USP6NL: variants seen among roughly 807,000 people sequenced by gnomAD.
The protein encoded by USP6NL is USP6 N-terminal like.
In USP6NL, 26 loss-of-function variants were observed where a neutral mutation model predicts 61.9. The observed-to-expected ratio is 0.42, with a 90% CI of 0.31 to 0.58. USP6NL has a LOEUF of 0.58. USP6NL is among the 20% of genes least tolerant of loss of function. The probability of loss-of-function intolerance (pLI) is 0.16; values close to 1 mark genes in which losing one functional copy is unlikely to be tolerated. For synonymous variants in USP6NL, 432 were observed against 390.1 expected (o/e 1.11, Z -1.27); for missense variants, 1,114 against 1,034.3 (o/e 1.08, Z -1.06).
chr10:11,501,144 A>G lies in USP6NL; in HGVS notation c.341T>C (p.Leu114Pro). 1 of 1,613,424 alleles carries G rather than the reference A, an allele frequency of 6.2e-7. No individual in the cohort carries two copies. The highest frequency in any genetic ancestry group is 8.5e-7 in the Non-Finnish European group (1 of 1,179,702). ...QLRGEVWALL[L>P]EIPKMKEETR... ...TTCTTCTTTCATTTTAGGGATCTCA[A>G]GAAGGAGGGCCCAGACTTCACCTCT... Residue 114 changes from leucine (L) to proline (P), a missense_variant, in exon 7 of 15, where the codon CTT becomes CCT. Leu to Pro is a moderately conservative substitution (Grantham distance 98). Coordinates refer to ENST00000609104, the MANE Select transcript of USP6NL (RefSeq NM_014688.5).
At chr10:11,475,184 G>A (rs188132794) in intron 14 of USP6NL, among the ~76,000 whole-genome samples, 5 of 151,738 alleles carry the variant, frequency 3.3e-5, no homozygotes, top group East Asian at 1.9e-4. Flanking sequence ...AGAAAACTAG[G>A]AAGCATTTAC....
chr10:11,574,980 T>C lies in USP6NL; in HGVS notation c.4+22651A>G, dbSNP rs1837489418. ...CGACGTGCTACACCATGTACATATATACCACCCATAATGTATGCTCCATAT... is the reference window on the plus strand; with the variant it reads ...CGACGTGCTACACCATGTACATATACACCACCCATAATGTATGCTCCATAT... On this transcript the variant is annotated intron_variant, in intron 2 of 14. Transcript: ENST00000609104. This position sits in a 1 kb window ranked among gnomAD's most constrained non-coding sequence, Gnocchi z 4.3. Among the ~76,000 whole-genome samples the C allele has an allele frequency of 1.3e-5, 2 of 152,198 alleles. No homozygotes were observed. The highest frequency in any genetic ancestry group is 4.1e-4 in the South Asian group (2 of 4,832).
chr10:11,471,726 A>C (rs189372102), intron 14 of USP6NL, among the ~76,000 whole-genome samples: 1 of 151,786 alleles, frequency 6.6e-6, no homozygotes, highest in Admixed American at 6.6e-5. Flanking sequence ...TATTGCAAGG[A>C]CAAAATACCA....
intron 2 of USP6NL, among the ~76,000 whole-genome samples, chr10:11,541,186 TATA>T (rs1394892344): frequency 2.8e-5 from 4 of 144,440 alleles, no homozygotes; most frequent in Admixed American, 7.1e-5. Flanking sequence ...GGATAACTTA[TATA>T]ATAAGTAAGA....
At position 11,496,134 on chromosome 10, in the gene USP6NL, C is replaced by A. The variant is rs1397538820; in HGVS notation, c.385-2906G>T. Among the ~76,000 whole-genome samples, 1 of 152,218 alleles carries A rather than the reference C, an allele frequency of 6.6e-6. No homozygotes were observed. Among genetic ancestry groups the A allele is most frequent in the Non-Finnish European group, 1.5e-5 (1 of 68,034 alleles). ...TCTGCTTTCATGACAGCAGCTCACCCTCAGCAAGGTCTGCGTTTTCCCTAG... is the reference window on the plus strand; with the variant it reads ...TCTGCTTTCATGACAGCAGCTCACCATCAGCAAGGTCTGCGTTTTCCCTAG... On this transcript the variant is annotated intron_variant, in intron 7 of 14. Coordinates refer to ENST00000609104, the MANE Select transcript of USP6NL (RefSeq NM_014688.5). The surrounding 1 kb of genome is among the most constrained non-coding windows in gnomAD (Gnocchi z 5.4).
rs573838078 is a variant in USP6NL, at chr10:11,503,976, A to G, written c.277-2768T>C. On this transcript the variant is annotated intron_variant, in intron 6 of 14. Coordinates refer to ENST00000609104, the MANE Select transcript of USP6NL (RefSeq NM_014688.5). ...TACATGGAATAGCGAACAGGAAAGT[A>G]TCAAGAAAGCCCAAGAGCAGAAAAC... 1.0e-3 allele frequency among the ~76,000 whole-genome samples: 158 copies of G among 152,304 alleles called. 1 individual carries two copies. The highest frequency in any genetic ancestry group is 3.6e-3 in the African/African-American group (150 of 41,572).
chr10:11,506,282 T>C (rs1834428830), intron 6 of USP6NL, among the ~76,000 whole-genome samples: 1 of 152,212 alleles, frequency 6.6e-6, no homozygotes, highest in Non-Finnish European at 1.5e-5. Flanking sequence ...GACACAAGTA[T>C]ATCATGACCA....
chr10:11,516,303 C>T (rs1236398470), intron 5 of USP6NL, among the ~76,000 whole-genome samples: 1 of 152,186 alleles, frequency 6.6e-6, no homozygotes, highest in Non-Finnish European at 1.5e-5. Flanking sequence ...TACAAGTCTT[C>T]CCCAATGGAA....
chr10:11,485,074 C>T lies in USP6NL; in HGVS notation c.826-4G>A. 1.3e-6 allele frequency: 2 copies of T among 1,539,068 alleles called. No homozygotes were observed. Among genetic ancestry groups the T allele is most frequent in the South Asian group, 1.2e-5 (1 of 80,240 alleles). On this transcript the variant is annotated splice_region_variant and splice_polypyrimidine_tract_variant and intron_variant, in intron 12 of 14. Coordinates refer to ENST00000609104, the MANE Select transcript of USP6NL (RefSeq NM_014688.5). The surrounding 1 kb of genome is among the most constrained non-coding windows in gnomAD (Gnocchi z 4.8). ...TGAGGTTTAGTGTAAAGGGAGTCTA[C>T]AATTAAAAGCAAAACAAAACAAAAA...
rs376820923 is a variant in USP6NL at position 11,578,887 on chromosome 10, C to T, written c.4+18744G>A. On this transcript the variant is annotated intron_variant, in intron 2 of 14. Coordinates refer to ENST00000609104, the MANE Select transcript of USP6NL (RefSeq NM_014688.5). ...GCTAGGTACATGCAGTGATGTGCCA[C>T]ATCTCGTTTATATCAGCTTGCTGGT... Among the ~76,000 whole-genome samples, 4 of 152,340 alleles carry T rather than the reference C, an allele frequency of 2.6e-5. No individual in the cohort carries two copies. In the South Asian group the frequency reaches 8.3e-4, roughly 32 times the overall value.
In USP6NL at chr10:11,537,824, C is replaced by G. The variant is rs969484577; in HGVS notation, c.5-10257G>C. 2.0e-5 allele frequency among the ~76,000 whole-genome samples: 3 copies of G among 152,194 alleles called. No individual in the cohort carries two copies. Among genetic ancestry groups the G allele is most frequent in the Non-Finnish European group, 4.4e-5 (3 of 68,034 alleles). On this transcript the variant is annotated intron_variant, in intron 2 of 14. Transcript: ENST00000609104. This position sits in a 1 kb window ranked among gnomAD's most constrained non-coding sequence, Gnocchi z 5.1. ...GGTGTGCCCACTTGTAATGCTATTG[C>G]CCAAATGATTTCCCTTCCCGTCAGC... is the stretch of plus-strand genomic sequence containing the variant.
At position 11,463,476 on chromosome 10, in the gene USP6NL, C is replaced by T; in HGVS notation, c.1452G>A (p.Val484=). The T allele has an allele frequency of 6.2e-7, 1 of 1,614,052 alleles. No individual in the cohort carries two copies. Among genetic ancestry groups the T allele is most frequent in the Non-Finnish European group, 8.5e-7 (1 of 1,179,904 alleles). ...NATSNIRKEF[V]PKWNKPSDVS... Reference sequence around the variant, plus strand: ...CGTCTGACGGTTTATTCCATTTGGGCACAAACTCCTTCCTGATATTTGAAG... The same window carrying T: ...CGTCTGACGGTTTATTCCATTTGGGTACAAACTCCTTCCTGATATTTGAAG... The change falls in exon 15 of 15, where the codon GTG becomes GTA. Residue 484 remains valine (V), a synonymous_variant. Coordinates refer to ENST00000609104, the MANE Select transcript of USP6NL (RefSeq NM_014688.5). The surrounding 1 kb of genome is among the most constrained non-coding windows in gnomAD (Gnocchi z 6.3).
intron 2 of USP6NL, among the ~76,000 whole-genome samples, chr10:11,529,374 A>G (rs536664205): frequency 9.2e-5 from 14 of 152,200 alleles, no homozygotes; most frequent in Non-Finnish European, 2.1e-4. Flanking sequence ...TAATATGTGT[A>G]AAAAAATCTG....
chr10:11,473,939 G>T (rs1281506135), intron 14 of USP6NL, among the ~76,000 whole-genome samples: 6 of 152,066 alleles, frequency 3.9e-5, no homozygotes, highest in African/African-American at 1.4e-4. Flanking sequence ...AGAATGAGGT[G>T]GTGGGCGACG....
At chr10:11,584,924 C>A (rs576023994) in intron 2 of USP6NL, among the ~76,000 whole-genome samples, 1 of 152,142 alleles carries the variant, frequency 6.6e-6, no homozygotes, top group African/African-American at 2.4e-5. Flanking sequence ...GTTGACAGAG[C>A]AAGACCCCTG....
At position 11,489,841 on chromosome 10, in the gene USP6NL, G is replaced by C. The variant is rs1390848231; in HGVS notation, c.544-619C>G. On this transcript the variant is annotated intron_variant, in intron 9 of 14. Coordinates refer to ENST00000609104, the MANE Select transcript of USP6NL (RefSeq NM_014688.5). The surrounding 1 kb of genome is among the most constrained non-coding windows in gnomAD (Gnocchi z 5.7). ...ACTGTCTCTATGAAATGTGAACAAAGCCAGAGACTGTAATCAGATGGGGGT... is the reference window on the plus strand; with the variant it reads ...ACTGTCTCTATGAAATGTGAACAAACCCAGAGACTGTAATCAGATGGGGGT... Among the ~76,000 whole-genome samples, 1 of 152,214 alleles carries C rather than the reference G, an allele frequency of 6.6e-6. No individual in the cohort carries two copies. The highest frequency in any genetic ancestry group is 2.4e-5 in the African/African-American group (1 of 41,446).
intron 13 of USP6NL, 82 bp downstream of exon 13, chr10:11,484,889 T>A (rs1307194624): frequency 1.7e-5 from 18 of 1,081,970 alleles, no homozygotes; most frequent in Non-Finnish European, 2.2e-5. Context: ...ACAATGAAGT[T>A]GAAGTGGGTG....
chr10:11,469,411 T>C (rs1424383272), intron 14 of USP6NL, among the ~76,000 whole-genome samples: 1 of 152,136 alleles, frequency 6.6e-6, no homozygotes, highest in African/African-American at 2.4e-5. Flanking sequence ...ATATCCAAGA[T>C]CCATATTGCT....
chr10:11,516,082 ATACAGTTCTC>A (rs1274605223), intron 5 of USP6NL, among the ~76,000 whole-genome samples: 3 of 152,216 alleles, frequency 2.0e-5, no homozygotes, highest in Non-Finnish European at 4.4e-5. Context: ...TCCATTATTA[ATACAGTTCTC>A]TACAGAGTAA....
Sources: allele counts gnomAD v4.1 joint callset (sites outside exome capture counted in the v4.1 genomes callset), GRCh38; gene constraint gnomAD v4.1.1; non-coding constraint Gnocchi (gnomAD v3.1); transcripts MANE v1.5; gene names NCBI Gene and HGNC (gene_info 2026-07-23, HGNC 2026-07-21).